The following MRAP2 variants were observed in gnomAD, a reference collection of about 807,000 sequenced individuals.
MRAP2 encodes melanocortin 2 receptor accessory protein 2.
A neutral mutation model predicts 17.4 loss-of-function variants in MRAP2; 20 were observed. The ratio of observed to expected loss-of-function variants is 1.15; its 90% confidence interval spans 0.81 to 1.67. The LOEUF is 1.67. MRAP2 is among the 40% of genes most tolerant of loss of function. The pLI, the probability that MRAP2 is intolerant of heterozygous loss-of-function variation, is 0.00. For missense variants in MRAP2, 238 were observed against 240.0 expected (o/e 0.99, Z 0.05); for synonymous variants, 96 against 88.4 (o/e 1.09, Z -0.48).
intron 1 of MRAP2, among the ~76,000 whole-genome samples, chr6:84,036,971 G>A (rs996314666): frequency 2.6e-5 from 4 of 152,040 alleles, no homozygotes; most frequent in African/African-American, 9.7e-5. Flanking sequence ...GACACAGGGT[G>A]CTGATTGGTG....
chr6:84,103,539 G>A, the MRAP2 span, among the ~76,000 whole-genome samples: 3 of 152,190 alleles, frequency 2.0e-5, no homozygotes, highest in South Asian at 2.1e-4. Context: ...CCCAGAGCTG[G>A]TGAAAGACCA....
At chr6:84,042,964 T>G (rs536143523) in intron 1 of MRAP2, among the ~76,000 whole-genome samples, 72 of 152,360 alleles carry the variant, frequency 4.7e-4, no homozygotes, top group African/African-American at 1.7e-3. Flanking sequence ...AAAAGAATGG[T>G]TCAGCTCAGG....
chr6:84,115,040 G>A, the MRAP2 span, among the ~76,000 whole-genome samples: 1 of 152,164 alleles, frequency 6.6e-6, no homozygotes, highest in Admixed American at 6.5e-5. Context: ...TCCCAGTCAG[G>A]ATAAACGGGG....
At chr6:84,051,301 A>C (rs2480188) in intron 1 of MRAP2, among the ~76,000 whole-genome samples, 22,256 of 152,218 alleles carry the variant, frequency 0.15, 3,672 homozygotes, top group African/African-American at 0.41. Flanking sequence ...TACACCTATA[A>C]TCCCAGCACT....
intron 3 of MRAP2, 72 bp downstream of exon 3, chr6:84,063,064 G>T (rs2099493600): frequency 6.3e-7 from 1 of 1,599,400 alleles, no homozygotes; most frequent in African/African-American, 1.3e-5. Flanking sequence ...TACTACCCAG[G>T]GCCGGAGGTG....
the MRAP2 span, among the ~76,000 whole-genome samples, chr6:84,116,942 C>G: frequency 2.0e-5 from 3 of 151,588 alleles, no homozygotes; most frequent in Non-Finnish European, 4.4e-5. Context: ...ACTGGCTTGC[C>G]GTTTCCTTCC....
intron 1 of MRAP2, among the ~76,000 whole-genome samples, chr6:84,046,463 G>T (rs1588624906): frequency 1.3e-5 from 2 of 152,196 alleles, no homozygotes; most frequent in East Asian, 3.9e-4. Context: ...CTAATGACAG[G>T]TACAACAGAA....
the MRAP2 span, among the ~76,000 whole-genome samples, chr6:84,096,170 G>A: frequency 1.6e-3 from 239 of 151,828 alleles, 1 homozygote; most frequent in Middle Eastern, 0.02. Flanking sequence ...TCCATCCCTC[G>A]TCTAGGATAC....
At chr6:84,081,421 C>T (rs1489723071) in intron 3 of MRAP2, among the ~76,000 whole-genome samples, 1 of 152,196 alleles carries the variant, frequency 6.6e-6, no homozygotes, top group East Asian at 1.9e-4. Context: ...GTGTCATTGT[C>T]ATGGGAGGAA....
At chr6:84,113,915 T>G in the MRAP2 span, among the ~76,000 whole-genome samples, 1 of 152,234 alleles carries the variant, frequency 6.6e-6, no homozygotes, top group Non-Finnish European at 1.5e-5. Flanking sequence ...GCCCCCAGCC[T>G]CTTCTGGCTT....
downstream of MRAP2, among the ~76,000 whole-genome samples, chr6:84,092,762 C>T (rs114824170): frequency 5.8e-4 from 88 of 152,092 alleles, 1 homozygote; most frequent in African/African-American, 1.9e-3. Flanking sequence ...AGGTGGGTTT[C>T]GCATCCCAAG....
the MRAP2 span, among the ~76,000 whole-genome samples, chr6:84,134,584 C>G: frequency 6.6e-6 from 1 of 152,158 alleles, no homozygotes; most frequent in Non-Finnish European, 1.5e-5. Context: ...TCACGGCTTC[C>G]CTTGGCTAGG....
intron 1 of MRAP2, among the ~76,000 whole-genome samples, chr6:84,038,635 G>A (rs1246062912): frequency 1.3e-5 from 2 of 152,014 alleles, no homozygotes; most frequent in South Asian, 4.2e-4. Flanking sequence ...GGGACTACAG[G>A]CACAGAACAC....
intron 3 of MRAP2, among the ~76,000 whole-genome samples, chr6:84,064,303 G>T (rs2099493965): frequency 6.6e-6 from 1 of 151,910 alleles, no homozygotes. Context: ...TTAAGACCAA[G>T]ACCTCAGTCT....
intron 3 of MRAP2, among the ~76,000 whole-genome samples, chr6:84,088,785 A>G (rs2099501101): frequency 6.6e-6 from 1 of 152,160 alleles, no homozygotes; most frequent in African/African-American, 2.4e-5. Context: ...TATGATGCAA[A>G]TGGTCCAAGA....
intron 3 of MRAP2, among the ~76,000 whole-genome samples, chr6:84,070,073 T>C (rs954428786): frequency 2.0e-5 from 3 of 152,136 alleles, no homozygotes; most frequent in Non-Finnish European, 4.4e-5. Flanking sequence ...TTGTATTTTT[T>C]TGGTTTCAAT....
the MRAP2 span, chr6:84,124,270 T>C: frequency 7.6e-4 from 116 of 152,256 alleles, no homozygotes; most frequent in African/African-American, 2.7e-3. Flanking sequence ...TGTATGTTTA[T>C]TGCAGCAATA....
chr6:84,082,436 A>G (rs1310321472), intron 3 of MRAP2, among the ~76,000 whole-genome samples: 1 of 152,228 alleles, frequency 6.6e-6, no homozygotes, highest in Non-Finnish European at 1.5e-5. Context: ...CTTCAGTAAC[A>G]TGCTTAAGCC....
intron 1 of MRAP2, among the ~76,000 whole-genome samples, chr6:84,037,182 G>A (rs924110814): frequency 1.3e-5 from 2 of 148,600 alleles, no homozygotes; most frequent in African/African-American, 2.6e-5. Flanking sequence ...GTTGATTGGT[G>A]TGATTACAAA....
Sources: gnomAD v4.1 joint callset for allele counts (sites outside exome capture counted in the v4.1 genomes callset) on GRCh38, gnomAD v4.1.1 for gene constraint, MANE v1.5 for transcripts, NCBI Gene and HGNC (gene_info 2026-07-23, HGNC 2026-07-21) for gene names.